Variants in CDC42EP4 observed in about 807,000 individuals in gnomAD.
The protein encoded by CDC42EP4 is CDC42 effector protein (Rho GTPase binding) 4.
In CDC42EP4, 6 loss-of-function variants were observed where a neutral mutation model predicts 5.6. That is an observed-to-expected ratio of 1.07 (90% CI 0.59 to 2.12). The LOEUF (loss-of-function observed/expected upper bound fraction) is 2.12, where lower values mean the gene tolerates loss of function less well. Among genes scored for constraint, CDC42EP4 ranks in the 30% most tolerant of loss-of-function variants. The probability of loss-of-function intolerance (pLI) is 0.00; values close to 1 mark genes in which losing one functional copy is unlikely to be tolerated. For missense variants in CDC42EP4, 490 were observed against 508.6 expected (o/e 0.96, Z 0.35); for synonymous variants, 230 against 224.2 (o/e 1.03, Z -0.23).
intron 1 of CDC42EP4, among the ~76,000 whole-genome samples, chr17:73,302,908 G>T (rs1262521548): frequency 2.0e-5 from 3 of 151,156 alleles, no homozygotes; most frequent in African/African-American, 7.3e-5. Flanking sequence ...GCTGGGCATG[G>T]TGGCGGGCAC....
intron 1 of CDC42EP4, among the ~76,000 whole-genome samples, chr17:73,293,524 C>G (rs1376557783): frequency 6.6e-6 from 1 of 152,178 alleles, no homozygotes; most frequent in African/African-American, 2.4e-5. Flanking sequence ...TGGCAGGCCA[C>G]GGCCCCTTCT....
chr17:73,294,077 G>A (rs1163152258), intron 1 of CDC42EP4, among the ~76,000 whole-genome samples: 4 of 152,312 alleles, frequency 2.6e-5, no homozygotes, highest in Middle Eastern at 3.4e-3. Flanking sequence ...AAGGCCGGGC[G>A]TGGTGGCTCA....
chr17:73,299,355 G>A (rs1275805819), intron 1 of CDC42EP4, among the ~76,000 whole-genome samples: 2 of 145,270 alleles, frequency 1.4e-5, no homozygotes, highest in East Asian at 2.0e-4. Flanking sequence ...GCGTGAACCC[G>A]GGAGGCGGAG....
chr17:73,308,861 C>G (rs2062257941), intron 1 of CDC42EP4, among the ~76,000 whole-genome samples: 1 of 151,102 alleles, frequency 6.6e-6, no homozygotes, highest in Non-Finnish European at 1.5e-5. Flanking sequence ...ACAGTGAAAC[C>G]CTGTTTCTAC....
intron 1 of CDC42EP4, chr17:73,307,108 AG>A (rs1476645002): frequency 6.6e-6 from 1 of 152,274 alleles, no homozygotes; most frequent in Non-Finnish European, 1.5e-5. Context: ...GGGAAACACC[AG>A]GTGTGCAGAG....
At chr17:73,297,368 G>C (rs2062193906) in intron 1 of CDC42EP4, among the ~76,000 whole-genome samples, 1 of 151,604 alleles carries the variant, frequency 6.6e-6, no homozygotes, top group Admixed American at 6.6e-5. Context: ...CAGCTACACG[G>C]GAGGCTGAGG....
At chr17:73,304,168 G>A (rs1266914647) in intron 1 of CDC42EP4, among the ~76,000 whole-genome samples, 1 of 152,150 alleles carries the variant, frequency 6.6e-6, no homozygotes, top group East Asian at 1.9e-4. Flanking sequence ...TGGGCCACAT[G>A]TCATGGAGAA....
intron 1 of CDC42EP4, among the ~76,000 whole-genome samples, chr17:73,306,368 G>A (rs928426935): frequency 1.3e-4 from 19 of 151,802 alleles, no homozygotes; most frequent in East Asian, 9.7e-4. Flanking sequence ...CAGGCATGGC[G>A]GCACACGTCT....
intron 1 of CDC42EP4, among the ~76,000 whole-genome samples, chr17:73,302,123 T>A (rs1452272537): frequency 1.3e-5 from 2 of 152,186 alleles, no homozygotes; most frequent in Non-Finnish European, 1.5e-5. Context: ...TGTGAGCTAC[T>A]GCACCCGGCC....
rs916774025 is a variant in CDC42EP4 at position 73,285,995 on chromosome 17, G to T, written c.506C>A (p.Ala169Asp). ...GGGGTCAGGGGAATGTGGACCCGCG[G>T]CCCCATTCCGACGGGGCACTGCCTC... ...TEEAVPRRNG[A>D]AGPHSPDPLL... The change falls in exon 2 of 2, where the codon GCC (alanine) becomes GAC (aspartate). Residue 169 changes from alanine (A) to aspartate (D), a missense_variant. Transcript: ENST00000335793. This position sits in a 1 kb window ranked among gnomAD's most constrained non-coding sequence, Gnocchi z 6.8. The T allele has an allele frequency of 6.2e-7, 1 of 1,613,384 alleles. No homozygotes were observed. Among genetic ancestry groups the T allele is most frequent in the Non-Finnish European group, 8.5e-7 (1 of 1,179,762 alleles).
At chr17:73,301,047 CAAAAAAATT>C (rs1215753031) in intron 1 of CDC42EP4, among the ~76,000 whole-genome samples, 191 of 131,200 alleles carry the variant, frequency 1.5e-3, no homozygotes, top group Non-Finnish European at 2.0e-3. Flanking sequence ...AACTCCGTCT[CAAAAAAATT>C]AAAAAAAAAA....
chr17:73,308,846 G>A (rs1425370038), intron 1 of CDC42EP4, among the ~76,000 whole-genome samples: 1 of 151,720 alleles, frequency 6.6e-6, no homozygotes, highest in Admixed American at 6.6e-5. Flanking sequence ...ACCGGCCTGG[G>A]CAACACAGTG....
chr17:73,286,200 C>T lies in CDC42EP4; in HGVS notation c.301G>A (p.Asp101Asn), dbSNP rs777865749. The change falls in exon 2 of 2, where the codon GAC becomes AAC. Residue 101 changes from aspartate to asparagine, a missense_variant. Transcript: ENST00000335793. The surrounding 1 kb of genome is among the most constrained non-coding windows in gnomAD (Gnocchi z 7.7). Reference protein sequence around the residue: ...SVTRGEREQRDMLGSLRDSAL... With the variant: ...SVTRGEREQRNMLGSLRDSAL... The stretch of plus-strand genomic sequence containing the variant: ...GAGTCCCGCAGGGAGCCCAGCATGT[C>T]ACGCTGCTCCCGCTCCCCCCTGGTC... 2 of 1,614,198 alleles carry T rather than the reference C, an allele frequency of 1.2e-6. No homozygotes were observed. The highest frequency in any genetic ancestry group is 4.5e-5 in the East Asian group (2 of 44,886).
chr17:73,297,473 C>CAAAAAAAAAAAAAAAAA (rs899469986), intron 1 of CDC42EP4, among the ~76,000 whole-genome samples: 1 of 150,434 alleles, frequency 6.6e-6, no homozygotes, highest in Non-Finnish European at 1.5e-5. Context: ...GACTCTGTCT[C>CAAAAAAAAAAAAAAAAA]AAAAAAAATA....
chr17:73,286,453 G>A lies in CDC42EP4; in HGVS notation c.48C>T (p.Arg16=), dbSNP rs1599428499. The change falls in exon 2 of 2, where the codon CGC becomes CGT. Residue 16 remains arginine, a synonymous_variant. Transcript: ENST00000335793. The surrounding 1 kb of genome is among the most constrained non-coding windows in gnomAD (Gnocchi z 7.7). ...QLVSSSVHSK[R]RSRADLTAEM... ...CGGCCGTGAGGTCCGCTCGGGAACG[G>A]CGCTTGGAGTGCACCGAGCTGGACA... 1 of 1,610,000 alleles carries A rather than the reference G, an allele frequency of 6.2e-7. No homozygotes were observed. Among genetic ancestry groups the A allele is most frequent in the South Asian group, 1.1e-5 (1 of 90,852 alleles).
chr17:73,299,970 C>T (rs1006774192), intron 1 of CDC42EP4, among the ~76,000 whole-genome samples: 1 of 152,158 alleles, frequency 6.6e-6, no homozygotes, highest in Non-Finnish European at 1.5e-5. Context: ...AAGCACAAGC[C>T]AGGACTCTGC....
intron 1 of CDC42EP4, among the ~76,000 whole-genome samples, chr17:73,301,990 T>C (rs1282913805): frequency 1.3e-5 from 2 of 151,916 alleles, no homozygotes; most frequent in African/African-American, 4.8e-5. Context: ...ATGCCCTGCC[T>C]GCCTGGCTAA....
chr17:73,304,896 C>T (rs2062237387), intron 1 of CDC42EP4, among the ~76,000 whole-genome samples: 1 of 152,214 alleles, frequency 6.6e-6, no homozygotes, highest in African/African-American at 2.4e-5. Flanking sequence ...CCAGGGGAGC[C>T]TCCTGCTCCT....
chr17:73,305,320 C>G (rs1401135950), intron 1 of CDC42EP4, among the ~76,000 whole-genome samples: 1 of 152,230 alleles, frequency 6.6e-6, no homozygotes, highest in East Asian at 1.9e-4. Flanking sequence ...ACAGGCTGGG[C>G]CCTCCTCCTC....
Sources: allele counts gnomAD v4.1 joint callset (sites outside exome capture counted in the v4.1 genomes callset), GRCh38; gene constraint gnomAD v4.1.1; non-coding constraint Gnocchi (gnomAD v3.1); transcripts MANE v1.5; gene names NCBI Gene and HGNC (gene_info 2026-07-23, HGNC 2026-07-21).